The following C9orf152 variants were observed in gnomAD, a reference collection of about 807,000 sequenced individuals.
The protein encoded by C9orf152 is chromosome 9 open reading frame 152, also known as uncharacterized protein C9orf152.
In C9orf152, 8 loss-of-function variants were observed where a neutral mutation model predicts 8.5. That is an observed-to-expected ratio of 0.94 (90% CI 0.55 to 1.70). C9orf152 has a LOEUF of 1.70. C9orf152 is among the 40% of genes most tolerant of loss of function. The probability of loss-of-function intolerance (pLI) is 0.00; values close to 1 mark genes in which losing one functional copy is unlikely to be tolerated. For missense variants in C9orf152, 293 were observed against 286.2 expected (o/e 1.02, Z -0.17); for synonymous variants, 109 against 113.0 (o/e 0.96, Z 0.22).
At chr9:110,205,017 C>A (rs926983821) in intron 1 of C9orf152, among the ~76,000 whole-genome samples, 2 of 152,288 alleles carry the variant, frequency 1.3e-5, no homozygotes, top group Middle Eastern at 3.4e-3. Flanking sequence ...TCCCTGGCTT[C>A]ATTTCCTCCT....
At position 110,201,293 on chromosome 9, in the gene C9orf152, A is replaced by G. The variant is rs1837217310; in HGVS notation, c.375T>C (p.Cys125=). 1 of 1,613,966 alleles carries G rather than the reference A, an allele frequency of 6.2e-7. No individual in the cohort carries two copies. The highest frequency in any genetic ancestry group is 8.5e-7 in the Non-Finnish European group (1 of 1,179,962). ...SPWHTHLEMH[C]LVQTSPQDTS... ...TGTCCTGGGGGGAGGTTTGGACCAA[A>G]CAATGCATCTCCAGGTGCGTGTGCC... The change falls in exon 2 of 2, where the codon TGT becomes TGC. Residue 125 remains cysteine (C), a synonymous_variant. Transcript: ENST00000400613.
chr9:110,200,761 G>A lies in C9orf152; in HGVS notation c.*187C>T, dbSNP rs1837205061. 2 of 625,752 alleles carry A rather than the reference G, an allele frequency of 3.2e-6. No individual in the cohort carries two copies. Among genetic ancestry groups the A allele is most frequent in the Non-Finnish European group, 5.4e-6 (2 of 371,672 alleles). 38.8% of individuals were successfully genotyped at this position (625,752 alleles called of 1,614,324 possible). A position where few individuals can be genotyped will look rare whatever the true frequency, so the allele number is the denominator to read the frequency against. On this transcript the variant is annotated 3_prime_UTR_variant, in exon 2 of 2. Coordinates refer to ENST00000400613, the MANE Select transcript of C9orf152 (RefSeq NM_001012993.3). ...CTAAACTGTGGGCAATTTGGCCTGGGAAGTCTCTTCTTATTGGAAGGGTAA... is the reference window on the plus strand; with the variant it reads ...CTAAACTGTGGGCAATTTGGCCTGGAAAGTCTCTTCTTATTGGAAGGGTAA...
At chr9:110,206,819 T>G (rs995078501) in intron 1 of C9orf152, among the ~76,000 whole-genome samples, 6 of 152,254 alleles carry the variant, frequency 3.9e-5, no homozygotes, top group Admixed American at 1.3e-4. Context: ...TTCTGAGCCC[T>G]GTGCCTCTAA....
rs1201119526 is a variant in C9orf152, at chr9:110,207,437, C to G, written c.143G>C (p.Gly48Ala). ...CTGGGTCCTCTGCTGCCTCTTCAAG[C>G]CTTCATACTGGGCTCGCAGGAACTG... is the stretch of plus-strand genomic sequence containing the variant. The part of the protein sequence containing the change: ...SIQFLRAQYE[G>A]LKRQQRTQAH... Residue 48 changes from glycine to alanine, a missense_variant, in exon 1 of 2, where the codon GGC becomes GCC. Gly to Ala is a moderately conservative substitution (Grantham distance 60, BLOSUM62 0). Transcript: ENST00000400613. 6.2e-7 allele frequency: 1 copy of G among 1,613,440 alleles called. No individual in the cohort carries two copies. The highest frequency in any genetic ancestry group is 1.7e-5 in the Admixed American group (1 of 59,938).
Position 110,206,333 on chromosome 9 carries a change from T to C in C9orf152, c.193+1054A>G, listed in dbSNP as rs72757035. On this transcript the variant is annotated intron_variant, in intron 1 of 1. Transcript: ENST00000400613. ...AAGCAATTAGATTTGTGAGTCTGAA[T>C]TGCAGGTGTATTAAGCATTGTGTTT... Among the ~76,000 whole-genome samples the C allele has an allele frequency of 6.2e-3, 943 of 152,362 alleles. 6 individuals are homozygous for C. The highest frequency in any genetic ancestry group is 0.016 in the South Asian group (79 of 4,826).
intron 1 of C9orf152, among the ~76,000 whole-genome samples, chr9:110,206,300 TC>T (rs150174961): frequency 0.062 from 9,456 of 152,230 alleles, 382 homozygotes; most frequent in African/African-American, 0.12. Context: ...CTTTGGATCA[TC>T]CCCACTAAGC....
At chr9:110,203,051 G>A (rs546149500) in intron 1 of C9orf152, among the ~76,000 whole-genome samples, 1 of 122,786 alleles carries the variant, frequency 8.1e-6, no homozygotes, top group Admixed American at 1.1e-4. Context: ...GTCTTGCTCT[G>A]TCACCCAGGC....
At chr9:110,205,411 G>T (rs1837262890) in intron 1 of C9orf152, among the ~76,000 whole-genome samples, 1 of 152,084 alleles carries the variant, frequency 6.6e-6, no homozygotes. Flanking sequence ...ACCTTACTCT[G>T]ATTTCTCCCT....
At position 110,199,786 on chromosome 9, in the gene C9orf152, CTT is replaced by C. The variant is rs1837189657; in HGVS notation, c.*1160_*1161del. ...AGAGAAAAGAAAGGTGGGAGTGAAA[CTT>C]TACAGAGAAAGCACCTGAGATGAGG... On this transcript the variant is annotated 3_prime_UTR_variant, in exon 2 of 2. Coordinates refer to ENST00000400613, the MANE Select transcript of C9orf152 (RefSeq NM_001012993.3). 1 of 152,066 alleles carries C rather than the reference CTT, an allele frequency of 6.6e-6. No homozygotes were observed. 9.4% of individuals were successfully genotyped at this position (152,066 alleles called of 1,614,324 possible). A position where few individuals can be genotyped will look rare whatever the true frequency, so the allele number is the denominator to read the frequency against.
chr9:110,204,202 C>T (rs1837250580), intron 1 of C9orf152, among the ~76,000 whole-genome samples: 1 of 152,186 alleles, frequency 6.6e-6, no homozygotes, highest in South Asian at 2.1e-4. Context: ...AAGCATATTC[C>T]TTTTGGACAC....
intron 1 of C9orf152, among the ~76,000 whole-genome samples, chr9:110,206,883 A>G (rs1837278571): frequency 6.6e-6 from 1 of 152,126 alleles, no homozygotes; most frequent in South Asian, 2.1e-4. Context: ...TCTCCCCATG[A>G]GGGGGTTTCT....
Position 110,201,218 on chromosome 9 carries a change from C to T in C9orf152, c.450G>A (p.Arg150=), listed in dbSNP as rs1325257282. ...HRGKLVGSDQ[R]LPPEGDTHLF... is the part of the protein sequence containing the mutation. ...AGTGTGTGTCTCCTTCAGGAGGGAG[C>T]CTTTGATCAGATCCCACAAGCTTGC... The change falls in exon 2 of 2, where the codon AGG becomes AGA. Residue 150 remains arginine (R), a synonymous_variant. Coordinates refer to ENST00000400613, the MANE Select transcript of C9orf152 (RefSeq NM_001012993.3). 6.2e-7 allele frequency: 1 copy of T among 1,613,982 alleles called. No homozygotes were observed. The highest frequency in any genetic ancestry group is 1.1e-5 in the South Asian group (1 of 91,086).
At position 110,202,103 on chromosome 9, in the gene C9orf152, C is replaced by T. The variant is rs561060867; in HGVS notation, c.194-629G>A. Among the ~76,000 whole-genome samples the T allele has an allele frequency of 2.4e-4, 36 of 151,728 alleles. No homozygotes were observed. The South Asian group carries it at 4.4e-3, about 19-fold the overall frequency. ...TGTTTGTTTGTTTGTTTTTTTGAGA[C>T]AGAGTCTCACTCTGTTGCCCAGGCT... is the stretch of plus-strand genomic sequence containing the variant. On this transcript the variant is annotated intron_variant, in intron 1 of 1. Transcript: ENST00000400613.
rs1837214130 is a variant in C9orf152, at chr9:110,201,190, A to G, written c.478T>C (p.Phe160Leu). The G allele has an allele frequency of 3.1e-6, 5 of 1,614,126 alleles. No individual in the cohort carries two copies. The South Asian group carries it at 5.5e-5, about 18-fold the overall frequency. ...RLPPEGDTHL[F>L]ETNQMTQQGT... Reference sequence around the variant, plus strand: ...TGCTGAGTCATCTGATTGGTTTCAAACAAGTGTGTGTCTCCTTCAGGAGGG... The same window carrying G: ...TGCTGAGTCATCTGATTGGTTTCAAGCAAGTGTGTGTCTCCTTCAGGAGGG... The change falls in exon 2 of 2, where the codon TTT becomes CTT. Residue 160 changes from phenylalanine to leucine, a missense_variant. Transcript: ENST00000400613.
chr9:110,201,924 C>G (rs1837226910), intron 1 of C9orf152, among the ~76,000 whole-genome samples: 1 of 152,110 alleles, frequency 6.6e-6, no homozygotes, highest in African/African-American at 2.4e-5. Context: ...GGAGTAAACT[C>G]TGGGAGGAGA....
rs1837207620 is a variant in C9orf152, at chr9:110,200,875, G to T, written c.*73C>A. 1.4e-6 allele frequency: 2 copies of T among 1,447,160 alleles called. No homozygotes were observed. The highest frequency in any genetic ancestry group is 1.9e-6 in the Non-Finnish European group (2 of 1,071,280). The allele number at this position is 1,447,160 out of a possible 1,614,324, so 89.6% of individuals were successfully genotyped here. On this transcript the variant is annotated 3_prime_UTR_variant, in exon 2 of 2. Transcript: ENST00000400613. ...GCTCATAGCTAGAGACCTCGTTGTGGCTCTGCCTCCTTGGTTCTTCTATAA... is the reference window on the plus strand; with the variant it reads ...GCTCATAGCTAGAGACCTCGTTGTGTCTCTGCCTCCTTGGTTCTTCTATAA...
chr9:110,206,000 T>C (rs146612700), intron 1 of C9orf152, among the ~76,000 whole-genome samples: 142 of 151,278 alleles, frequency 9.4e-4, no homozygotes, highest in African/African-American at 3.5e-3. Flanking sequence ...GAGGTTTCAG[T>C]GAGCCGAGAT....
In C9orf152 at chr9:110,207,559, C is replaced by T. The variant is rs202245092; in HGVS notation, c.21G>A (p.Pro7=). 77 of 1,595,550 alleles carry T rather than the reference C, an allele frequency of 4.8e-5. No homozygotes were observed. In the African/African-American group the frequency reaches 6.8e-4, roughly 14 times the overall value. The part of the protein sequence containing the change: MEGLPC[P]CPALPHFWQL... ...GCCAGAAGTGGGGCAGGGCTGGGCACGGGCAGGGCAACCCCTCCATCCGGA... is the reference window on the plus strand; with the variant it reads ...GCCAGAAGTGGGGCAGGGCTGGGCATGGGCAGGGCAACCCCTCCATCCGGA... The change falls in exon 1 of 2, where the codon CCG becomes CCA. Residue 7 remains proline (P), a synonymous_variant. Transcript: ENST00000400613.
rs201662135 is a variant in C9orf152, at chr9:110,201,129, C to T, written c.539G>A (p.Cys180Tyr). ...TGIPEAAQLPCQVGNTQTKAV... is the reference protein window; with the variant it reads ...TGIPEAAQLPYQVGNTQTKAV... ...CTTTGTTTGGGTATTGCCCACCTGG[C>T]ATGGAAGCTGGGCAGCCTCTGGGAT... Residue 180 changes from cysteine (C) to tyrosine (Y), a missense_variant, in exon 2 of 2, where the codon TGC becomes TAC. Cys to Tyr is a radical substitution (Grantham distance 194). Transcript: ENST00000400613. 1.7e-4 allele frequency: 267 copies of T among 1,614,200 alleles called. 3 individuals carry two copies. In the South Asian group the frequency reaches 2.3e-3, roughly 14 times the overall value.
Sources: gnomAD v4.1 joint callset for allele counts (sites outside exome capture counted in the v4.1 genomes callset) on GRCh38, gnomAD v4.1.1 for gene constraint, MANE v1.5 for transcripts, NCBI Gene and HGNC (gene_info 2026-07-23, HGNC 2026-07-21) for gene names.